MAML2: variants seen among roughly 807,000 people sequenced by gnomAD.
The protein encoded by MAML2 is mastermind-like protein 2.
In MAML2, 22 loss-of-function variants were observed where a neutral mutation model predicts 96.1. The ratio of observed to expected loss-of-function variants is 0.23; its 90% CI spans 0.16 to 0.33. MAML2 has a LOEUF of 0.33. MAML2 is among the 10% of genes least tolerant of loss of function. The pLI, the probability that MAML2 is intolerant of heterozygous loss-of-function variation, is 1.00. For missense variants in MAML2, 1,367 were observed against 1,392.4 expected (o/e 0.98, Z 0.29); for synonymous variants, 561 against 521.3 (o/e 1.08, Z -1.04).
chr11:96,205,089 A>C (rs986523250), intron 1 of MAML2, among the ~76,000 whole-genome samples: 54 of 152,180 alleles, frequency 3.5e-4, no homozygotes, highest in African/African-American at 1.3e-3. Flanking sequence ...ATAATGTGTG[A>C]ATTTTACAGT....
Position 96,342,916 on chromosome 11 carries a change from A to G in MAML2, c.-1021T>C. On this transcript the variant is annotated 5_prime_UTR_variant, in exon 1 of 5. Coordinates refer to ENST00000524717, the MANE Select transcript of MAML2 (RefSeq NM_032427.4). The stretch of plus-strand genomic sequence containing the variant: ...ACGATGGTCAAACTTACAAACTTCC[A>G]GCAAATTGCACCGAGTCATGTCCAG... 1 of 375,698 alleles carries G rather than the reference A, an allele frequency of 2.7e-6. No individual in the cohort carries two copies. The highest frequency in any genetic ancestry group is 3.7e-5 in the East Asian group (1 of 26,766). The allele number at this position is 375,698 out of a possible 1,614,324, so 23.3% of individuals were successfully genotyped here. A position where few individuals can be genotyped will look rare whatever the true frequency, so the allele number is the denominator to read the frequency against.
chr11:96,289,806 C>T (rs545824509), intron 1 of MAML2, among the ~76,000 whole-genome samples: 58 of 152,126 alleles, frequency 3.8e-4, no homozygotes, highest in African/African-American at 1.3e-3. Context: ...ACACATCATA[C>T]ATTCAAAGGG....
At chr11:96,160,005 AT>A (rs1861079492) in intron 1 of MAML2, among the ~76,000 whole-genome samples, 2 of 152,212 alleles carry the variant, frequency 1.3e-5, no homozygotes, top group South Asian at 4.1e-4. Context: ...TGTAGTGTTT[AT>A]TGCCTTGAAT....
In MAML2 at chr11:96,092,622, G is replaced by T. The variant is rs764915809; in HGVS notation, c.1409C>A (p.Pro470Gln). The T allele has an allele frequency of 1.2e-6, 2 of 1,613,458 alleles. No individual in the cohort carries two copies. The highest frequency in any genetic ancestry group is 1.7e-6 in the Non-Finnish European group (2 of 1,179,556). ...NWSALPSSAG[P>Q]SPGPFGQEKI... is the part of the protein sequence containing the mutation. ...CTCCTGCCCAAATGGACCTGGTGATGGTCCAGCAGAAGAGGGCAAGGCTGA... is the reference window on the plus strand; with the variant it reads ...CTCCTGCCCAAATGGACCTGGTGATTGTCCAGCAGAAGAGGGCAAGGCTGA... The change falls in exon 2 of 5, where the codon CCA (proline) becomes CAA (glutamine). Residue 470 changes from proline to glutamine, a missense_variant. Pro to Gln is a moderately conservative substitution (Grantham distance 76, BLOSUM62 -1). Coordinates refer to ENST00000524717, the MANE Select transcript of MAML2 (RefSeq NM_032427.4). The surrounding 1 kb of genome is among the most constrained non-coding windows in gnomAD (Gnocchi z 4.1).
At chr11:96,003,078 GGAGGATGATGGGGATGAT>G (rs553124852) in intron 2 of MAML2, among the ~76,000 whole-genome samples, 1,538 of 143,338 alleles carry the variant, frequency 0.011, 25 homozygotes, top group South Asian at 0.052. Context: ...GGGATGATGA[GGAGGATGATGGGGATGAT>G]GAGGATGATG....
chr11:96,143,190 T>C (rs928067351), intron 1 of MAML2, among the ~76,000 whole-genome samples: 1 of 152,212 alleles, frequency 6.6e-6, no homozygotes, highest in Non-Finnish European at 1.5e-5. Flanking sequence ...ATCAGAGTGT[T>C]CACTGCCGTT....
At chr11:96,181,008 A>G (rs1861476240) in intron 1 of MAML2, among the ~76,000 whole-genome samples, 2 of 152,078 alleles carry the variant, frequency 1.3e-5, no homozygotes, top group South Asian at 4.1e-4. Context: ...CTGAGCCAGG[A>G]TGAGCCAGGA....
chr11:95,984,646 T>C lies in MAML2; in HGVS notation c.2455+885A>G, dbSNP rs143277572. Among the ~76,000 whole-genome samples, 3 of 152,212 alleles carry C rather than the reference T, an allele frequency of 2.0e-5. No individual in the cohort carries two copies. In the East Asian group the frequency reaches 5.8e-4, roughly 29 times the overall value. ...TTGTATTTGAGGGGGTTTAAATAAGTCAGGACAACATATTTAAAAGTACAC... is the reference window on the plus strand; with the variant it reads ...TTGTATTTGAGGGGGTTTAAATAAGCCAGGACAACATATTTAAAAGTACAC... On this transcript the variant is annotated intron_variant, in intron 4 of 4. Coordinates refer to ENST00000524717, the MANE Select transcript of MAML2 (RefSeq NM_032427.4).
chr11:96,313,479 T>G (rs567361213), intron 1 of MAML2, among the ~76,000 whole-genome samples: 2 of 152,296 alleles, frequency 1.3e-5, no homozygotes, highest in South Asian at 4.1e-4. Context: ...CCACCACTTG[T>G]TCTTGGTCAC....
intron 1 of MAML2, among the ~76,000 whole-genome samples, chr11:96,317,276 C>T (rs936147155): frequency 1.3e-5 from 2 of 152,146 alleles, no homozygotes; most frequent in Non-Finnish European, 2.9e-5. Flanking sequence ...AGCTTTAAAA[C>T]GTCTATGCTT....
At chr11:96,175,645 C>T (rs2135905020) in intron 1 of MAML2, among the ~76,000 whole-genome samples, 1 of 152,258 alleles carries the variant, frequency 6.6e-6, no homozygotes, top group East Asian at 1.9e-4. Context: ...GGATGGAGTG[C>T]AGTGGCGTGA....
At chr11:96,312,677 T>C (rs1863560147) in intron 1 of MAML2, among the ~76,000 whole-genome samples, 2 of 152,176 alleles carry the variant, frequency 1.3e-5, no homozygotes, top group African/African-American at 2.4e-5. Flanking sequence ...TGGTGGAACA[T>C]TCATTACATA....
At chr11:96,015,816 A>G (rs974878662) in intron 2 of MAML2, among the ~76,000 whole-genome samples, 3 of 152,186 alleles carry the variant, frequency 2.0e-5, no homozygotes, top group African/African-American at 7.2e-5. Context: ...CTCATTAATG[A>G]TATTGAATCA....
chr11:96,006,915 A>G (rs1489498328), intron 2 of MAML2, among the ~76,000 whole-genome samples: 2 of 148,872 alleles, frequency 1.3e-5, no homozygotes, highest in African/African-American at 5.0e-5. Flanking sequence ...ACACACACAC[A>G]CGAGTATTTT....
chr11:96,315,364 ATATTG>A (rs1182733314), intron 1 of MAML2, among the ~76,000 whole-genome samples: 7 of 152,196 alleles, frequency 4.6e-5, no homozygotes, highest in African/African-American at 1.7e-4. Flanking sequence ...AAATATATTT[ATATTG>A]TATCTAATTT....
At chr11:95,983,974 G>A (rs1415532494) in intron 4 of MAML2, among the ~76,000 whole-genome samples, 1 of 152,084 alleles carries the variant, frequency 6.6e-6, no homozygotes, top group Non-Finnish European at 1.5e-5. Flanking sequence ...GATGTCCTAG[G>A]CCTTTGCATT....
Position 95,979,395 on chromosome 11 carries a change from TTGCTGGCTACCTAC to T in MAML2, c.3010_3023del (p.Val1004IlefsTer10). 6.2e-7 allele frequency: 1 copy of T among 1,613,596 alleles called. No homozygotes were observed. The highest frequency in any genetic ancestry group is 2.2e-5 in the East Asian group (1 of 44,850). Reference sequence around the variant, plus strand: ...GAGGAGCCACTGCCCTCTGGGAAAATTGCTGGCTACCTACTGCCTGTTGCAGTGACTGATTTGGG... The same window carrying T: ...GAGGAGCCACTGCCCTCTGGGAAAATTGCCTGTTGCAGTGACTGATTTGGG... On this transcript the variant is annotated frameshift_variant, in exon 5 of 5. Coordinates refer to ENST00000524717, the MANE Select transcript of MAML2 (RefSeq NM_032427.4). LOFTEE classifies it high-confidence loss of function.
At chr11:96,137,016 T>A (rs186133246) in intron 1 of MAML2, among the ~76,000 whole-genome samples, 1 of 152,324 alleles carries the variant, frequency 6.6e-6, no homozygotes, top group Non-Finnish European at 1.5e-5. Context: ...ACTGTTGTTT[T>A]TTAAAAAATG....
intron 2 of MAML2, among the ~76,000 whole-genome samples, chr11:96,039,684 C>T (rs979587197): frequency 2.0e-5 from 3 of 149,756 alleles, no homozygotes; most frequent in Non-Finnish European, 4.5e-5. Context: ...CGGTGGCTCA[C>T]GCCTGTAATC....
Sources: allele counts gnomAD v4.1 joint callset (sites outside exome capture counted in the v4.1 genomes callset), GRCh38; gene constraint gnomAD v4.1.1; non-coding constraint Gnocchi (gnomAD v3.1); transcripts MANE v1.5; gene names NCBI Gene and HGNC (gene_info 2026-07-23, HGNC 2026-07-21).